MRPL1: variants seen among roughly 807,000 people sequenced by gnomAD.
The protein encoded by MRPL1 is mitochondrial ribosomal protein L1, also known as large ribosomal subunit protein uL1m.
MRPL1 carries 28 observed loss-of-function variants against 38.0 expected under a neutral mutation model. The ratio of observed to expected loss-of-function variants is 0.74; its 90% CI spans 0.55 to 1.01. The LOEUF (loss-of-function observed/expected upper bound fraction) is 1.01, where lower values mean the gene tolerates loss of function less well. MRPL1 is among the 50% of genes least tolerant of loss of function. The pLI is 0.00. For synonymous variants in MRPL1, 123 were observed against 126.7 expected, an observed-to-expected ratio of 0.97 and a Z score of 0.20; for missense variants, 358 against 389.8, an observed-to-expected ratio of 0.92 and a Z score of 0.69.
At chr4:77,894,118 C>CT (rs752146305) in intron 5 of MRPL1, 21 bp from the exon 6 acceptor site, 21,181 of 1,063,644 alleles carry the variant, frequency 0.02, no homozygotes, top group Non-Finnish European at 0.022. Context: ...CTGAGGTCAC[C>CT]TTTTTTTTTT....
intron 4 of MRPL1, among the ~76,000 whole-genome samples, chr4:77,886,792 T>TTC (rs1553904879): frequency 3.0e-5 from 4 of 135,504 alleles, no homozygotes; most frequent in Non-Finnish European, 4.8e-5. Flanking sequence ...GCATTTTCTT[T>TTC]TTTTTTTTTT....
intron 2 of MRPL1, 67 bp from the exon 3 acceptor site, chr4:77,883,174 TG>T (rs1279449829): frequency 6.6e-6 from 7 of 1,065,076 alleles, no homozygotes; most frequent in East Asian, 2.7e-5. Context: ...TTATGTACAC[TG>T]GCTTTTTTTT....
intron 7 of MRPL1, among the ~76,000 whole-genome samples, chr4:77,942,267 TG>T (rs1737153889): frequency 6.6e-6 from 1 of 152,186 alleles, no homozygotes; most frequent in East Asian, 1.9e-4. Flanking sequence ...TATTGAGACT[TG>T]TTTTATGGCC....
chr4:77,929,982 A>G lies in MRPL1; in HGVS notation c.778-19815A>G, dbSNP rs376196742. On this transcript the variant is annotated intron_variant, in intron 7 of 8. Coordinates refer to ENST00000315567, the MANE Select transcript of MRPL1 (RefSeq NM_020236.4). The stretch of plus-strand genomic sequence containing the variant: ...CTGAATGCAGCTGTTATAAATGGAC[A>G]GAATACATGGAATAGCTACTTGAGG... Among the ~76,000 whole-genome samples, 40 of 152,350 alleles carry G rather than the reference A, an allele frequency of 2.6e-4. No homozygotes were observed. The Middle Eastern group carries it at 0.02, about 78-fold the overall frequency.
At chr4:77,888,539 A>G (rs1364571929) in intron 5 of MRPL1, among the ~76,000 whole-genome samples, 1 of 152,018 alleles carries the variant, frequency 6.6e-6, no homozygotes, top group East Asian at 1.9e-4. Context: ...AAACAAACAA[A>G]TAAATAAGAA....
intron 7 of MRPL1, among the ~76,000 whole-genome samples, chr4:77,927,460 T>TAA (rs552105998): frequency 6.6e-6 from 1 of 152,226 alleles, no homozygotes; most frequent in Admixed American, 6.5e-5. Context: ...CCCTACTCTG[T>TAA]TTTTTTATAT....
intron 7 of MRPL1, among the ~76,000 whole-genome samples, chr4:77,938,897 C>T (rs1257024713): frequency 6.6e-6 from 1 of 152,186 alleles, no homozygotes; most frequent in African/African-American, 2.4e-5. Context: ...TGAGCTACCT[C>T]ATGGTCCCCT....
chr4:77,902,607 A>G (rs1485053534), intron 6 of MRPL1, among the ~76,000 whole-genome samples: 1 of 152,156 alleles, frequency 6.6e-6, no homozygotes, highest in African/African-American at 2.4e-5. Flanking sequence ...AATAAAGCTG[A>G]TAAAACTTTA....
intron 7 of MRPL1, among the ~76,000 whole-genome samples, chr4:77,947,026 AGTT>A (rs1560477610): frequency 2.0e-5 from 3 of 149,358 alleles, no homozygotes. Flanking sequence ...AAAAAAAAAA[AGTT>A]AAGAACCACT....
At chr4:77,896,566 G>A (rs1735919731) in intron 6 of MRPL1, among the ~76,000 whole-genome samples, 1 of 152,140 alleles carries the variant, frequency 6.6e-6, no homozygotes, top group African/African-American at 2.4e-5. Flanking sequence ...CATTTTCAAA[G>A]CTCATTCAGA....
rs185561237 is a variant in MRPL1, at chr4:77,868,012, C to T, written c.32-3732C>T. 1.1e-3 allele frequency among the ~76,000 whole-genome samples: 169 copies of T among 151,630 alleles called. 5 individuals carry two copies. In the East Asian group the frequency reaches 0.029, roughly 26 times the overall value. On this transcript the variant is annotated intron_variant, in intron 1 of 8. Coordinates refer to ENST00000315567, the MANE Select transcript of MRPL1 (RefSeq NM_020236.4). Reference sequence around the variant, plus strand: ...ACCTCGTGATCCGCCCACCTCAGCCCCCCAAAGTGCTGGGATTACAGACAT... The same window carrying T: ...ACCTCGTGATCCGCCCACCTCAGCCTCCCAAAGTGCTGGGATTACAGACAT...
rs142668342 is a variant in MRPL1, at chr4:77,912,250, A to G, written c.777+2878A>G. On this transcript the variant is annotated intron_variant, in intron 7 of 8. Coordinates refer to ENST00000315567, the MANE Select transcript of MRPL1 (RefSeq NM_020236.4). ...TGATCTGGGGCTTCTAGTTAGCGCAATCAGGCAAGAAACAGAAATAAAAAG... is the reference window on the plus strand; with the variant it reads ...TGATCTGGGGCTTCTAGTTAGCGCAGTCAGGCAAGAAACAGAAATAAAAAG... 1.5e-4 allele frequency among the ~76,000 whole-genome samples: 23 copies of G among 152,258 alleles called. No individual in the cohort carries two copies. The East Asian group carries it at 3.7e-3, about 24-fold the overall frequency.
intron 7 of MRPL1, among the ~76,000 whole-genome samples, chr4:77,925,750 T>C (rs1357853159): frequency 6.6e-6 from 1 of 152,134 alleles, no homozygotes; most frequent in Non-Finnish European, 1.5e-5. Flanking sequence ...TTCTTAGTTT[T>C]CTTGTTATTA....
intron 2 of MRPL1, among the ~76,000 whole-genome samples, chr4:77,878,749 G>T (rs909687269): frequency 1.3e-5 from 2 of 152,164 alleles, no homozygotes; most frequent in Middle Eastern, 3.4e-3. Flanking sequence ...CATGGTGGCA[G>T]GCACCTGTAG....
intron 6 of MRPL1, among the ~76,000 whole-genome samples, chr4:77,901,820 A>G (rs548873795): frequency 6.6e-6 from 1 of 152,366 alleles, no homozygotes; most frequent in South Asian, 2.1e-4. Flanking sequence ...TAGTAAGGAT[A>G]TAAAATATTT....
At chr4:77,895,491 CAGTT>C (rs1735893019) in intron 6 of MRPL1, among the ~76,000 whole-genome samples, 1 of 152,050 alleles carries the variant, frequency 6.6e-6, no homozygotes, top group Admixed American at 6.6e-5. Flanking sequence ...CTTGCTGACA[CAGTT>C]TGTTTTAGAT....
intron 7 of MRPL1, among the ~76,000 whole-genome samples, chr4:77,918,802 G>A (rs1054426801): frequency 6.6e-6 from 1 of 152,054 alleles, no homozygotes; most frequent in African/African-American, 2.4e-5. Context: ...AAGAGTGCCT[G>A]ACATATAGCA....
intron 7 of MRPL1, among the ~76,000 whole-genome samples, chr4:77,933,363 T>C (rs927831124): frequency 3.9e-5 from 6 of 152,156 alleles, no homozygotes; most frequent in Admixed American, 2.0e-4. Context: ...GAGAAACATT[T>C]GGTTGCAAAA....
chr4:77,897,654 C>T (rs765327931), intron 6 of MRPL1, among the ~76,000 whole-genome samples: 7 of 152,156 alleles, frequency 4.6e-5, no homozygotes, highest in African/African-American at 1.2e-4. Flanking sequence ...CACTGCTTTC[C>T]GTGAGGAATT....
Sources: allele counts gnomAD v4.1 joint callset (sites outside exome capture counted in the v4.1 genomes callset), GRCh38; gene constraint gnomAD v4.1.1; transcripts MANE v1.5; gene names NCBI Gene and HGNC (gene_info 2026-07-23, HGNC 2026-07-21).